The following CNTNAP2 variants were observed in gnomAD, a reference collection of about 807,000 sequenced individuals.
The protein encoded by CNTNAP2 is contactin associated protein 2.
CNTNAP2 carries 98 observed loss-of-function variants against 155.2 expected under a neutral mutation model. The observed-to-expected ratio is 0.63, with a 90% CI of 0.54 to 0.75. The LOEUF is 0.75. CNTNAP2 is among the 30% of genes least tolerant of loss of function. The pLI, the probability that CNTNAP2 is intolerant of heterozygous loss-of-function variation, is 0.00. For synonymous variants in CNTNAP2, 651 were observed against 631.2 expected (o/e 1.03, Z -0.47); for missense variants, 1,727 against 1,688.1 (o/e 1.02, Z -0.40).
intron 15 of CNTNAP2, among the ~76,000 whole-genome samples, chr7:148,111,885 G>A (rs1028142510): frequency 6.6e-6 from 1 of 152,200 alleles, no homozygotes; most frequent in African/African-American, 2.4e-5. Context: ...AGCTACCTGA[G>A]AATGTGTTTC....
At chr7:148,300,114 T>G (rs985776435) in intron 21 of CNTNAP2, among the ~76,000 whole-genome samples, 3 of 152,222 alleles carry the variant, frequency 2.0e-5, no homozygotes, top group Non-Finnish European at 2.9e-5. Context: ...AAGCTGCTCC[T>G]AGTGTTTTTG....
chr7:147,598,924 G>C (rs1022716979), intron 12 of CNTNAP2, among the ~76,000 whole-genome samples: 1 of 152,130 alleles, frequency 6.6e-6, no homozygotes, highest in Non-Finnish European at 1.5e-5. Flanking sequence ...TTCCCCTTCT[G>C]TGATGATTAT....
intron 13 of CNTNAP2, among the ~76,000 whole-genome samples, chr7:147,650,638 A>T (rs1795435283): frequency 6.6e-6 from 1 of 152,132 alleles, no homozygotes; most frequent in African/African-American, 2.4e-5. Context: ...TAATATATAT[A>T]ACATATAAAA....
chr7:146,311,011 A>T (rs897583789), intron 1 of CNTNAP2, among the ~76,000 whole-genome samples: 1 of 152,198 alleles, frequency 6.6e-6, no homozygotes. Flanking sequence ...AGTTCTAAGG[A>T]AGCACCACTC....
intron 1 of CNTNAP2, among the ~76,000 whole-genome samples, chr7:146,426,185 C>CA (rs57484419): frequency 0.03 from 1,589 of 53,240 alleles, 26 homozygotes; most frequent in South Asian, 0.047. Flanking sequence ...GACTTCGCCT[C>CA]AAAAAAAAAA....
At chr7:147,205,104 G>T (rs1802995414) in intron 8 of CNTNAP2, among the ~76,000 whole-genome samples, 1 of 151,998 alleles carries the variant, frequency 6.6e-6, no homozygotes, top group South Asian at 2.1e-4. Flanking sequence ...ATATATTTCA[G>T]GACCTTTTGT....
At position 148,322,333 on chromosome 7, in the gene CNTNAP2, T is replaced by G. The variant is rs568444838; in HGVS notation, c.3475+55207T>G. Among the ~76,000 whole-genome samples the G allele has an allele frequency of 2.6e-5, 4 of 152,298 alleles. No individual in the cohort carries two copies. The East Asian group carries it at 7.7e-4, about 29-fold the overall frequency. On this transcript the variant is annotated intron_variant, in intron 21 of 23. Coordinates refer to ENST00000361727, the MANE Select transcript of CNTNAP2 (RefSeq NM_014141.6). Reference sequence around the variant, plus strand: ...TACTCCCTCTGCCACGCTAGGCATTTCACACTCTCGTACACTCTGAGGGAA... The same window carrying G: ...TACTCCCTCTGCCACGCTAGGCATTGCACACTCTCGTACACTCTGAGGGAA...
chr7:148,115,088 C>T (rs996844866), intron 15 of CNTNAP2, among the ~76,000 whole-genome samples: 1 of 152,184 alleles, frequency 6.6e-6, no homozygotes, highest in Non-Finnish European at 1.5e-5. Flanking sequence ...TTGTACAAGG[C>T]ATGACTTCCC....
intron 1 of CNTNAP2, among the ~76,000 whole-genome samples, chr7:146,192,021 A>G (rs1798713285): frequency 6.6e-6 from 1 of 152,190 alleles, no homozygotes; most frequent in Non-Finnish European, 1.5e-5. Flanking sequence ...GAAGTGATAA[A>G]TGTCCATGAA....
chr7:147,742,082 C>T lies in CNTNAP2; in HGVS notation c.2098+102776C>T, dbSNP rs542897844. On this transcript the variant is annotated intron_variant, in intron 13 of 23. Coordinates refer to ENST00000361727, the MANE Select transcript of CNTNAP2 (RefSeq NM_014141.6). ...TCCCCTTTATAAACCCATCAGATCTCGTGAGACTTATTCACTATCACAAAA... is the reference window on the plus strand; with the variant it reads ...TCCCCTTTATAAACCCATCAGATCTTGTGAGACTTATTCACTATCACAAAA... 3.0e-4 allele frequency among the ~76,000 whole-genome samples: 46 copies of T among 152,210 alleles called. No individual in the cohort carries two copies. The South Asian group carries it at 8.7e-3, about 29-fold the overall frequency.
intron 1 of CNTNAP2, among the ~76,000 whole-genome samples, chr7:146,489,882 C>G (rs1797113603): frequency 6.6e-6 from 1 of 151,932 alleles, no homozygotes; most frequent in East Asian, 1.9e-4. Context: ...AGTGTGCTGA[C>G]TGGTTTGAGT....
chr7:147,723,643 G>C (rs1375809345), intron 13 of CNTNAP2, among the ~76,000 whole-genome samples: 1 of 151,662 alleles, frequency 6.6e-6, no homozygotes, highest in Non-Finnish European at 1.5e-5. Flanking sequence ...ATCTGTCCCT[G>C]TTGCTAATAG....
chr7:147,661,571 T>A (rs1038232272), intron 13 of CNTNAP2, among the ~76,000 whole-genome samples: 1 of 141,956 alleles, frequency 7.0e-6, no homozygotes, highest in East Asian at 2.0e-4. Context: ...TTTTTTTTTT[T>A]AGACGGAGTC....
At chr7:147,574,028 T>C (rs577201596) in intron 12 of CNTNAP2, among the ~76,000 whole-genome samples, 1 of 152,158 alleles carries the variant, frequency 6.6e-6, no homozygotes, top group Non-Finnish European at 1.5e-5. Context: ...CACTTTAACA[T>C]TGGCAACTCA....
At chr7:147,477,747 G>T (rs1798347571) in intron 10 of CNTNAP2, among the ~76,000 whole-genome samples, 1 of 152,180 alleles carries the variant, frequency 6.6e-6, no homozygotes, top group African/African-American at 2.4e-5. Flanking sequence ...CCCTTGAACA[G>T]TGAATGGACT....
intron 1 of CNTNAP2, among the ~76,000 whole-genome samples, chr7:146,356,324 C>T (rs10226754): frequency 0.31 from 47,596 of 151,978 alleles, 7,745 homozygotes; most frequent in Admixed American, 0.44. Context: ...TTTTACCTTT[C>T]AGAGGTCTTC....
intron 13 of CNTNAP2, among the ~76,000 whole-genome samples, chr7:147,841,665 T>G (rs1211456600): frequency 6.6e-6 from 1 of 152,196 alleles, no homozygotes; most frequent in Non-Finnish European, 1.5e-5. Flanking sequence ...AGGTTTTGAT[T>G]AAGAGATTGT....
chr7:147,496,346 C>A (rs757185238), intron 11 of CNTNAP2, among the ~76,000 whole-genome samples: 2 of 152,126 alleles, frequency 1.3e-5, no homozygotes, highest in Non-Finnish European at 2.9e-5. Context: ...TTTCCCATAA[C>A]AGGTTATGGG....
intron 15 of CNTNAP2, among the ~76,000 whole-genome samples, chr7:148,053,973 T>TC (rs1802956814): frequency 6.9e-6 from 1 of 145,980 alleles, no homozygotes; most frequent in Non-Finnish European, 1.5e-5. Flanking sequence ...TTCCACTTCT[T>TC]TTTTTTTTTT....
Sources: allele counts gnomAD v4.1 joint callset (sites outside exome capture counted in the v4.1 genomes callset), GRCh38; gene constraint gnomAD v4.1.1; transcripts MANE v1.5; gene names NCBI Gene and HGNC (gene_info 2026-07-23, HGNC 2026-07-21).